TUT4: variants seen among roughly 807,000 people sequenced by gnomAD.
TUT4 encodes terminal uridylyl transferase 4, also known as terminal uridylyltransferase 4.
TUT4 carries 36 observed loss-of-function variants against 192.2 expected under a neutral mutation model. The ratio of observed to expected loss-of-function variants is 0.19; its 90% CI spans 0.14 to 0.25. TUT4 has a LOEUF of 0.25. TUT4 is among the 10% of genes least tolerant of loss of function. TUT4 has a pLI of 1.00. For synonymous variants in TUT4, 618 were observed against 666.0 expected (o/e 0.93, Z 1.11); for missense variants, 1,493 against 1,957.2 (o/e 0.76, Z 4.47).
intron 15 of TUT4, among the ~76,000 whole-genome samples, 187 bp downstream of exon 15, chr1:52,467,994 G>A (rs1037181904): frequency 6.6e-6 from 1 of 151,910 alleles, no homozygotes; most frequent in African/African-American, 2.4e-5. Flanking sequence ...ATATTTATTA[G>A]TCAACTATTT....
At chr1:52,503,658 A>G (rs1446606039) in intron 4 of TUT4, among the ~76,000 whole-genome samples, 1 of 152,124 alleles carries the variant, frequency 6.6e-6, no homozygotes, top group Non-Finnish European at 1.5e-5. Flanking sequence ...GGCTCAAGCA[A>G]TCCTCCCACC....
chr1:52,550,734 A>G (rs958125058), intron 1 of TUT4, among the ~76,000 whole-genome samples: 1 of 152,096 alleles, frequency 6.6e-6, no homozygotes, highest in Admixed American at 6.6e-5. Context: ...CGCTCAAGCA[A>G]TCCTCTCGCC....
intron 25 of TUT4, 91 bp from the exon 26 acceptor site, chr1:52,437,069 C>G: frequency 3.4e-6 from 5 of 1,485,588 alleles, no homozygotes; most frequent in Non-Finnish European, 4.5e-6. Flanking sequence ...AAAGGACTAA[C>G]ATGCCCATCA....
Position 52,475,025 on chromosome 1 carries a change from T to C in TUT4, c.2534A>G (p.Asp845Gly), listed in dbSNP as rs1490981286. The C allele has an allele frequency of 3.7e-6, 6 of 1,614,078 alleles. No individual in the cohort carries two copies. In the Admixed American group the frequency reaches 8.3e-5, roughly 22 times the overall value. Residue 845 changes from aspartate to glycine, a missense_variant, in exon 13 of 30, where the codon GAT becomes GGT. Coordinates refer to ENST00000257177, the MANE Select transcript of TUT4 (RefSeq NM_001009881.3). Reference sequence around the variant, plus strand: ...CCTGCAGTCTGTTCCAGTAGATTTATCTGGGTCAGGCGACTTAGACAAATC... The same window carrying C: ...CCTGCAGTCTGTTCCAGTAGATTTACCTGGGTCAGGCGACTTAGACAAATC... ...CIDLSKSPDP[D>G]KSTGTDCRSN... is the part of the protein sequence containing the mutation.
chr1:52,498,902 TTATATATATA>T (rs60991652), intron 4 of TUT4, among the ~76,000 whole-genome samples: 260 of 23,268 alleles, frequency 0.011, 17 homozygotes, highest in African/African-American at 0.019. Context: ...AAAAAAAAAA[TTATATATATA>T]TATATATATA....
chr1:52,538,548 G>A (rs1396103027), intron 1 of TUT4: 2 of 150,584 alleles, frequency 1.3e-5, no homozygotes, highest in Non-Finnish European at 2.9e-5. Flanking sequence ...TCAGGAGGCT[G>A]AAGTGGGAGG....
At chr1:52,435,673 G>GA (rs969264667) in intron 26 of TUT4, among the ~76,000 whole-genome samples, 8 of 151,830 alleles carry the variant, frequency 5.3e-5, no homozygotes, top group Admixed American at 2.0e-4. Flanking sequence ...AGCAGATCAA[G>GA]AAAAAAAATA....
At chr1:52,430,905 G>A in intron 28 of TUT4, 108 bp downstream of exon 28, 1 of 1,231,510 alleles carries the variant, frequency 8.1e-7, no homozygotes, top group South Asian at 1.6e-5. Flanking sequence ...ATCCTGTACT[G>A]TCCCCTCCAC....
rs1459827698 is a variant in TUT4 at position 52,471,987 on chromosome 1, C to T, written c.2843G>A (p.Arg948Gln). 2 of 1,612,994 alleles carry T rather than the reference C, an allele frequency of 1.2e-6. No individual in the cohort carries two copies. Among genetic ancestry groups the T allele is most frequent in the African/African-American group, 1.3e-5 (1 of 74,842 alleles). ...KPLPPMTNRF[R>Q]EILDLVCKRC... ...TTTACATACTAAATCAAGTATTTCC[C>T]GAAATCGGTTTGTCATTGGTGGTAG... The change falls in exon 14 of 30, where the codon CGG (arginine) becomes CAG (glutamine). Residue 948 changes from arginine to glutamine, a missense_variant. Arg to Gln is a conservative substitution (Grantham distance 43). Around this residue, in one of 7 missense-constraint regions of TUT4, gnomAD observed 59 missense variants for 114.3 expected, o/e 0.52. Coordinates refer to ENST00000257177, the MANE Select transcript of TUT4 (RefSeq NM_001009881.3).
chr1:52,440,228 A>T (rs1270448347), intron 24 of TUT4, among the ~76,000 whole-genome samples: 4 of 152,174 alleles, frequency 2.6e-5, no homozygotes, highest in African/African-American at 7.2e-5. Flanking sequence ...TATATATATT[A>T]AAAACCACTG....
chr1:52,542,087 G>A (rs536726313), intron 1 of TUT4, among the ~76,000 whole-genome samples: 89 of 152,292 alleles, frequency 5.8e-4, no homozygotes, highest in Admixed American at 9.2e-4. Context: ...TATGAAAGAA[G>A]CCAGTCACAA....
Position 52,525,868 on chromosome 1 carries a change from A to C in TUT4, c.413T>G (p.Val138Gly), listed in dbSNP as rs1269500905. 1 of 1,613,920 alleles carries C rather than the reference A, an allele frequency of 6.2e-7. No homozygotes were observed. Among genetic ancestry groups the C allele is most frequent in the African/African-American group, 1.3e-5 (1 of 74,874 alleles). Residue 138 changes from valine (V) to glycine (G), a missense_variant, in exon 2 of 30, where the codon GTG becomes GGG. By Grantham distance (109) the Val-to-Gly change is moderately radical. This residue lies in a region of TUT4 where 260 missense variants were observed against 247.8 expected (regional missense o/e 1.05). Transcript: ENST00000257177. Reference sequence around the variant, plus strand: ...ATAACTGGATGCTTTTTCTGCTTTCACTGAATTAGGTGACTTTGGTGATTT... The same window carrying C: ...ATAACTGGATGCTTTTTCTGCTTTCCCTGAATTAGGTGACTTTGGTGATTT... ...AEKSPKSPNS[V>G]KAEKASSYQM...
intron 2 of TUT4, among the ~76,000 whole-genome samples, chr1:52,523,798 C>T (rs1680945686): frequency 6.6e-6 from 1 of 152,116 alleles, no homozygotes; most frequent in African/African-American, 2.4e-5. Context: ...ATAAAGTCAA[C>T]TCTATTAAAA....
chr1:52,424,211 T>C, intron 29 of TUT4: 1 of 538,082 alleles, frequency 1.9e-6, no homozygotes, highest in Non-Finnish European at 3.3e-6. Flanking sequence ...ACACGAAAGA[T>C]GGAGAGGAGG....
At chr1:52,487,893 C>A (rs1670201880) in intron 9 of TUT4, among the ~76,000 whole-genome samples, 1 of 152,138 alleles carries the variant, frequency 6.6e-6, no homozygotes, top group Non-Finnish European at 1.5e-5. Flanking sequence ...AAAATCCCTG[C>A]CCTCAAAGAG....
At chr1:52,494,799 C>T (rs1672061995) in intron 6 of TUT4, among the ~76,000 whole-genome samples, 1 of 152,084 alleles carries the variant, frequency 6.6e-6, no homozygotes, top group Non-Finnish European at 1.5e-5. Flanking sequence ...TGAACATAAA[C>T]ATATTATTCA....
chr1:52,540,957 G>A (rs368762963), intron 1 of TUT4, among the ~76,000 whole-genome samples: 5 of 152,144 alleles, frequency 3.3e-5, no homozygotes, highest in Non-Finnish European at 4.4e-5. Flanking sequence ...TGTAATCTCA[G>A]CACTTTAGTA....
chr1:52,480,042 G>A (rs191661618), intron 11 of TUT4, among the ~76,000 whole-genome samples: 67 of 148,256 alleles, frequency 4.5e-4, no homozygotes, highest in Middle Eastern at 6.9e-3. Flanking sequence ...TCTAAGTAGA[G>A]ACAATAAATG....
At chr1:52,526,643 T>A (rs1681841012) in intron 1 of TUT4, among the ~76,000 whole-genome samples, 1 of 152,198 alleles carries the variant, frequency 6.6e-6, no homozygotes, top group Admixed American at 6.6e-5. Context: ...TGTCTCATAT[T>A]TCTTTAAGAA....
Sources: allele counts gnomAD v4.1 joint callset (sites outside exome capture counted in the v4.1 genomes callset), GRCh38; gene constraint gnomAD v4.1.1; regional missense constraint gnomAD v4.1.1; transcripts MANE v1.5; gene names NCBI Gene and HGNC (gene_info 2026-07-23, HGNC 2026-07-21).